The following MRAP2 variants were observed in gnomAD, a reference collection of about 807,000 sequenced individuals.
MRAP2 encodes the protein melanocortin 2 receptor accessory protein 2.
Under a neutral mutation model 17.4 loss-of-function variants are expected in MRAP2, and 20 were observed. The observed-to-expected ratio is 1.15, with a 90% CI of 0.81 to 1.67. The LOEUF (loss-of-function observed/expected upper bound fraction) is 1.67. MRAP2 is among the 40% of genes most tolerant of loss of function. The probability of loss-of-function intolerance (pLI) is 0.00; values close to 1 mark genes in which losing one functional copy is unlikely to be tolerated. For synonymous variants in MRAP2, 96 were observed against 88.4 expected, an observed-to-expected ratio of 1.09 and a Z score of -0.48; for missense variants, 238 against 240.0, an observed-to-expected ratio of 0.99 and a Z score of 0.05.
intron 2 of MRAP2, 81 bp from the exon 3 acceptor site, chr6:84,062,812 C>T: frequency 6.3e-7 from 1 of 1,593,462 alleles, no homozygotes; most frequent in Non-Finnish European, 8.6e-7. Context: ...GTACCAAAGC[C>T]TCTCCAAAAA....
the MRAP2 span, chr6:84,126,406 T>C: frequency 6.2e-7 from 1 of 1,603,476 alleles, no homozygotes; most frequent in Admixed American, 1.7e-5. Flanking sequence ...TCTTTGTGCA[T>C]GTCTCATTTC....
chr6:84,104,561 T>G, the MRAP2 span, among the ~76,000 whole-genome samples: 3 of 152,208 alleles, frequency 2.0e-5, no homozygotes, highest in Non-Finnish European at 4.4e-5. Flanking sequence ...TCTTGAATGC[T>G]TTGTTGCTTA....
At chr6:84,051,747 A>G (rs534286831) in intron 1 of MRAP2, among the ~76,000 whole-genome samples, 2 of 152,296 alleles carry the variant, frequency 1.3e-5, no homozygotes, top group East Asian at 3.9e-4. Flanking sequence ...GGGGAGGAAA[A>G]GAGAGTGCCC....
At chr6:84,052,470 C>T (rs2099490684) in intron 1 of MRAP2, among the ~76,000 whole-genome samples, 1 of 152,206 alleles carries the variant, frequency 6.6e-6, no homozygotes, top group African/African-American at 2.4e-5. Context: ...GGGGACAACA[C>T]AGAACACTTC....
At chr6:84,108,686 C>A in the MRAP2 span, among the ~76,000 whole-genome samples, 1 of 151,930 alleles carries the variant, frequency 6.6e-6, no homozygotes, top group Non-Finnish European at 1.5e-5. Flanking sequence ...TAGTTAGATC[C>A]CATTTGTCAA....
intron 1 of MRAP2, among the ~76,000 whole-genome samples, chr6:84,051,722 CA>C (rs1016948452): frequency 8.6e-5 from 13 of 151,856 alleles, no homozygotes; most frequent in African/African-American, 2.9e-4. Flanking sequence ...GACCTTGTCT[CA>C]AAAAAAGGGG....
At chr6:84,102,805 TAAAA>T in the MRAP2 span, among the ~76,000 whole-genome samples, 1 of 148,126 alleles carries the variant, frequency 6.8e-6, no homozygotes, top group Non-Finnish European at 1.5e-5. Context: ...GTTTACAACT[TAAAA>T]AAAAAAATAA....
chr6:84,133,333 G>C, the MRAP2 span, among the ~76,000 whole-genome samples: 1 of 152,126 alleles, frequency 6.6e-6, no homozygotes, highest in African/African-American at 2.4e-5. Context: ...GAGGCAGTCT[G>C]TCTGTTCTCA....
chr6:84,093,156 C>T (rs189324573), downstream of MRAP2, among the ~76,000 whole-genome samples: 1 of 152,126 alleles, frequency 6.6e-6, no homozygotes, highest in African/African-American at 2.4e-5. Flanking sequence ...CTGTCCATTT[C>T]AGTTGAAGTT....
At chr6:84,093,279 A>AG (rs78184383), downstream of MRAP2, among the ~76,000 whole-genome samples, 21 of 151,676 alleles carry the variant, frequency 1.4e-4, no homozygotes, top group African/African-American at 5.1e-4. Context: ...AGAGAGAGAG[A>AG]AAGAAAAAGG....
rs1300674160 is a variant in MRAP2, at chr6:84,033,779, C to A, written c.-112C>A. The A allele has an allele frequency of 7.1e-6, 7 of 986,132 alleles. No homozygotes were observed. The highest frequency in any genetic ancestry group is 4.5e-5 in the South Asian group (1 of 22,048). The allele number at this position is 986,132 out of a possible 1,614,324, so 61.1% of individuals were successfully genotyped here. A position where few individuals can be genotyped will look rare whatever the true frequency, so the allele number is the denominator to read the frequency against. On this transcript the variant is annotated 5_prime_UTR_variant, in exon 1 of 4. Coordinates refer to ENST00000257776, the MANE Select transcript of MRAP2 (RefSeq NM_138409.4). ...ACCTCGGATCTAGGAGCTACTCGCC[C>A]GGCCCTGGGCGGTGGGAGGCGGCGG...
chr6:84,047,316 A>G (rs1047094492), intron 1 of MRAP2, among the ~76,000 whole-genome samples: 1 of 151,812 alleles, frequency 6.6e-6, no homozygotes, highest in Non-Finnish European at 1.5e-5. Context: ...TCAGCCTTTC[A>G]AGTAGCTAGG....
intron 2 of MRAP2, chr6:84,062,370 T>C (rs1217249965): frequency 3.6e-6 from 1 of 277,190 alleles, no homozygotes; most frequent in Non-Finnish European, 5.5e-6. Context: ...CCTTTTTCTG[T>C]CCCTAAATCT....
intron 1 of MRAP2, among the ~76,000 whole-genome samples, chr6:84,041,492 C>T (rs1272827981): frequency 6.6e-6 from 1 of 152,214 alleles, no homozygotes; most frequent in Admixed American, 6.5e-5. Context: ...GATAGCTTGC[C>T]CCGTGCACCT....
chr6:84,103,520 C>T, the MRAP2 span, among the ~76,000 whole-genome samples: 2 of 152,154 alleles, frequency 1.3e-5, no homozygotes, highest in South Asian at 4.1e-4. Context: ...TGATTCCTTA[C>T]CCTGACAGCC....
intron 3 of MRAP2, chr6:84,063,349 AAAGAC>A (rs1441307773): frequency 1.0e-6 from 1 of 985,306 alleles, no homozygotes; most frequent in Non-Finnish European, 1.2e-6. Context: ...AAACAGTGGA[AAAGAC>A]AATGGCAAAA....
chr6:84,047,793 T>A (rs2099489419), intron 1 of MRAP2, among the ~76,000 whole-genome samples: 1 of 152,224 alleles, frequency 6.6e-6, no homozygotes, highest in African/African-American at 2.4e-5. Flanking sequence ...AAAACCACAA[T>A]TATGTTTGCA....
At chr6:84,035,131 T>C (rs1264556084) in intron 1 of MRAP2, among the ~76,000 whole-genome samples, 1 of 152,228 alleles carries the variant, frequency 6.6e-6, no homozygotes, top group Non-Finnish European at 1.5e-5. Flanking sequence ...TCTGTATCTT[T>C]CTTTTCAAAG....
At chr6:84,055,890 C>T (rs9449760) in intron 2 of MRAP2, among the ~76,000 whole-genome samples, 48,955 of 152,034 alleles carry the variant, frequency 0.32, 9,686 homozygotes, top group African/African-American at 0.56. Context: ...TCCATGTGTG[C>T]TCATAATGAT....
Sources: allele counts gnomAD v4.1 joint callset (sites outside exome capture counted in the v4.1 genomes callset), GRCh38; gene constraint gnomAD v4.1.1; transcripts MANE v1.5; gene names NCBI Gene and HGNC (gene_info 2026-07-23, HGNC 2026-07-21).